The following KIF13B variants were observed in gnomAD, a reference collection of about 807,000 sequenced individuals.
KIF13B encodes kinesin-like protein KIF13B.
Under a neutral mutation model 222.0 loss-of-function variants are expected in KIF13B, and 127 were observed. That is an observed-to-expected ratio of 0.57 (90% CI 0.50 to 0.66). KIF13B has a LOEUF of 0.66. KIF13B is among the 30% of genes least tolerant of loss of function. The pLI, the probability that KIF13B is intolerant of heterozygous loss-of-function variation, is 0.00. For missense variants in KIF13B, 2,173 were observed against 2,379.0 expected (o/e 0.91, Z 1.80); for synonymous variants, 976 against 919.0 (o/e 1.06, Z -1.12).
chr8:29,259,286 A>G (rs896675981), intron 1 of KIF13B, among the ~76,000 whole-genome samples: 13 of 152,154 alleles, frequency 8.5e-5, no homozygotes, highest in Non-Finnish European at 1.8e-4. Flanking sequence ...AAGTATTGGA[A>G]AATGCCAAGT....
intron 2 of KIF13B, among the ~76,000 whole-genome samples, chr8:29,199,946 A>G (rs1813621553): frequency 6.6e-6 from 1 of 152,222 alleles, no homozygotes; most frequent in Non-Finnish European, 1.5e-5. Flanking sequence ...GGAAAAATAT[A>G]TATTTAGTAT....
intron 37 of KIF13B, among the ~76,000 whole-genome samples, chr8:29,091,182 T>TA (rs1808283742): frequency 6.6e-6 from 1 of 152,198 alleles, no homozygotes; most frequent in African/African-American, 2.4e-5. Context: ...ACCTGGGCAT[T>TA]ATAGTTATTC....
chr8:29,175,881 T>C (rs1032904458), intron 10 of KIF13B, among the ~76,000 whole-genome samples, 187 bp downstream of exon 10: 1 of 152,188 alleles, frequency 6.6e-6, no homozygotes, highest in African/African-American at 2.4e-5. Flanking sequence ...TAAGCTAGGA[T>C]GTGAATTGCT....
intron 14 of KIF13B, 144 bp from the exon 15 acceptor site, chr8:29,150,527 G>A: frequency 1.7e-6 from 1 of 572,348 alleles, no homozygotes; most frequent in Non-Finnish European, 3.1e-6. Context: ...TTTAATATTT[G>A]CATTTACTCC....
rs10106209 is a variant in KIF13B at position 29,250,097 on chromosome 8, C to T, written c.56-4658G>A. On this transcript the variant is annotated intron_variant, in intron 1 of 39. Transcript: ENST00000524189. The stretch of plus-strand genomic sequence containing the variant: ...CTTACAGTCAAATCTGTATCATACA[C>T]AAGCACATTATCAACTCTCCGGAAA... 1.4e-3 allele frequency: 1,700 copies of T among 1,243,090 alleles called. 14 individuals are homozygous for T. The African/African-American group carries it at 0.023, about 17-fold the overall frequency. The allele number at this position is 1,243,090 out of a possible 1,614,324, so 77.0% of individuals were successfully genotyped here.
chr8:29,221,449 A>C (rs2130529799), intron 2 of KIF13B, among the ~76,000 whole-genome samples: 1 of 150,536 alleles, frequency 6.6e-6, no homozygotes, highest in East Asian at 2.0e-4. Context: ...TGGGCAACAG[A>C]GTGAGACCCT....
chr8:29,101,893 C>T (rs1318724665), intron 35 of KIF13B, among the ~76,000 whole-genome samples: 1 of 152,086 alleles, frequency 6.6e-6, no homozygotes, highest in Non-Finnish European at 1.5e-5. Flanking sequence ...TGCGGAAACA[C>T]TCCACTGGAA....
intron 29 of KIF13B, 77 bp downstream of exon 29, chr8:29,122,514 C>A (rs1010276189): frequency 8.5e-7 from 1 of 1,173,716 alleles, no homozygotes; most frequent in Admixed American, 2.0e-5. Context: ...CCTCACGATG[C>A]ACTTGGTTGG....
At chr8:29,195,572 T>C (rs1813381263) in intron 3 of KIF13B, among the ~76,000 whole-genome samples, 1 of 152,074 alleles carries the variant, frequency 6.6e-6, no homozygotes, top group Admixed American at 6.5e-5. Flanking sequence ...GAGACAGAAA[T>C]CTAAATTTCC....
chr8:29,087,107 G>A (rs976006629), intron 37 of KIF13B, among the ~76,000 whole-genome samples: 1 of 152,236 alleles, frequency 6.6e-6, no homozygotes, highest in Non-Finnish European at 1.5e-5. Context: ...TGACACAGAG[G>A]ATGGCCCTGG....
At chr8:29,113,732 A>T (rs1007526018) in intron 31 of KIF13B, among the ~76,000 whole-genome samples, 177 bp from the exon 32 acceptor site, 2 of 152,206 alleles carry the variant, frequency 1.3e-5, no homozygotes, top group Admixed American at 6.5e-5. Flanking sequence ...TATGGTACGA[A>T]ACCAACTTAT....
At position 29,108,146 on chromosome 8, in the gene KIF13B, C is replaced by T. The variant is rs374297067; in HGVS notation, c.4208G>A (p.Ser1403Asn). 6.2e-6 allele frequency: 10 copies of T among 1,610,630 alleles called. No homozygotes were observed. The African/African-American group carries it at 1.1e-4, about 17-fold the overall frequency. Residue 1403 changes from serine (S) to asparagine (N), a missense_variant, in exon 35 of 40, where the codon AGC becomes AAC. Physicochemically the swap from Ser to Asn is conservative, Grantham distance 46. Coordinates refer to ENST00000524189, the MANE Select transcript of KIF13B (RefSeq NM_015254.4). ...AATAGTTAAAACACCTACCTTGTTG[C>T]TGCCTAGACTGTATGATGGAATGAG... is the stretch of plus-strand genomic sequence containing the variant. ...QDLIPSYSLG[S>N]NKGRWESQQD...
intron 12 of KIF13B, among the ~76,000 whole-genome samples, chr8:29,162,648 C>T (rs778450262): frequency 5.3e-5 from 8 of 152,240 alleles, no homozygotes; most frequent in African/African-American, 1.9e-4. Context: ...ATGGTAAAAA[C>T]GCTACAAAAT....
At chr8:29,226,778 T>A (rs1028339049) in intron 2 of KIF13B, among the ~76,000 whole-genome samples, 1 of 152,264 alleles carries the variant, frequency 6.6e-6, no homozygotes, top group East Asian at 1.9e-4. Context: ...TTTGACAGAC[T>A]AATGGTCTGA....
rs918332305 is a variant in KIF13B, at chr8:29,070,867, C to A, written c.5219-101G>T. 2.3e-6 allele frequency: 3 copies of A among 1,281,954 alleles called. No individual in the cohort carries two copies. In the African/African-American group the frequency reaches 4.5e-5, roughly 19 times the overall value. 79.4% of individuals were successfully genotyped at this position (1,281,954 alleles called of 1,614,324 possible). A position where few individuals can be genotyped will look rare whatever the true frequency, so the allele number is the denominator to read the frequency against. On this transcript the variant is annotated intron_variant, in intron 39 of 39. Transcript: ENST00000524189. The surrounding 1 kb of genome is among the most constrained non-coding windows in gnomAD (Gnocchi z 4.1). ...GAGGCCATGTGCCCACACTGCCACC[C>A]CCCCGCACAGGCCCTACACAGCCAG... is the stretch of plus-strand genomic sequence containing the variant.
chr8:29,127,971 A>G (rs1016373460), intron 24 of KIF13B, among the ~76,000 whole-genome samples: 1 of 151,750 alleles, frequency 6.6e-6, no homozygotes, highest in Non-Finnish European at 1.5e-5. Flanking sequence ...GTATTACTGT[A>G]GAAAAACATA....
chr8:29,176,205 A>T (rs1812471073), intron 9 of KIF13B, 26 bp from the exon 10 acceptor site: 2 of 1,339,924 alleles, frequency 1.5e-6, no homozygotes, highest in East Asian at 4.6e-5. Context: ...AACCAAAATA[A>T]TTACAAAAAT....
intron 34 of KIF13B, among the ~76,000 whole-genome samples, chr8:29,108,464 G>A (rs1235474708): frequency 4.6e-5 from 7 of 152,322 alleles, no homozygotes; most frequent in South Asian, 2.1e-4. Context: ...AAGAGATGTC[G>A]CGTTGGGTGA....
In KIF13B at chr8:29,159,280, A is replaced by G. The variant is rs149942937; in HGVS notation, c.1404+1453T>C. Among the ~76,000 whole-genome samples the G allele has an allele frequency of 1.2e-3, 189 of 152,228 alleles. 3 individuals carry two copies. The East Asian group carries it at 0.029, about 24-fold the overall frequency. ...ATTGGCCTGCCTCAACCTCTCAAGTAGCTGGGACTACAGGCATGTACCACC... is the reference window on the plus strand; with the variant it reads ...ATTGGCCTGCCTCAACCTCTCAAGTGGCTGGGACTACAGGCATGTACCACC... On this transcript the variant is annotated intron_variant, in intron 13 of 39. Transcript: ENST00000524189.
Sources: allele counts gnomAD v4.1 joint callset (sites outside exome capture counted in the v4.1 genomes callset), GRCh38; gene constraint gnomAD v4.1.1; non-coding constraint Gnocchi (gnomAD v3.1); transcripts MANE v1.5; gene names NCBI Gene and HGNC (gene_info 2026-07-23, HGNC 2026-07-21).